POU2F1: variants seen among roughly 807,000 people sequenced by gnomAD.
The protein encoded by POU2F1 is POU domain, class 2, transcription factor 1.
Under a neutral mutation model 84.9 loss-of-function variants are expected in POU2F1, and 16 were observed. That is an observed-to-expected ratio of 0.19 (90% CI 0.13 to 0.29). The LOEUF (loss-of-function observed/expected upper bound fraction) is 0.29. Ranked by LOEUF, POU2F1 falls within the 10% of genes least tolerant of loss-of-function variation. The probability of loss-of-function intolerance (pLI) is 1.00; values close to 1 mark genes in which losing one functional copy is unlikely to be tolerated. For missense variants in POU2F1, 738 were observed against 942.6 expected (o/e 0.78, Z 2.84); for synonymous variants, 368 against 368.3 (o/e 1.00, Z 0.01).
rs765393331 is a variant in POU2F1 at position 167,255,602 on chromosome 1, G to C, written c.61+34644G>C. ...GATGGTATGAAGCATAGATTGGAGT[G>C]GTATGAGAATGGAGGTAGGGAAATG... On this transcript the variant is annotated intron_variant, in intron 1 of 15. Coordinates refer to ENST00000367866, the MANE Select transcript of POU2F1 (RefSeq NM_002697.4). 1.5e-4 allele frequency among the ~76,000 whole-genome samples: 23 copies of C among 152,142 alleles called. 1 individual carries two copies. The highest frequency in any genetic ancestry group is 3.2e-4 in the Non-Finnish European group (22 of 68,036).
chr1:167,276,828 A>C (rs1652760345), intron 1 of POU2F1, among the ~76,000 whole-genome samples: 1 of 152,226 alleles, frequency 6.6e-6, no homozygotes, highest in South Asian at 2.1e-4. Flanking sequence ...AGTATGGAGA[A>C]GAAAGAAATG....
intron 13 of POU2F1, among the ~76,000 whole-genome samples, chr1:167,402,779 T>C (rs1284733495): frequency 2.0e-5 from 3 of 152,220 alleles, no homozygotes; most frequent in African/African-American, 7.2e-5. Flanking sequence ...CTGTTAGTGA[T>C]TGATTGGCAT....
At chr1:167,298,764 T>C (rs1268684325) in intron 1 of POU2F1, among the ~76,000 whole-genome samples, 1 of 152,216 alleles carries the variant, frequency 6.6e-6, no homozygotes, top group Non-Finnish European at 1.5e-5. Flanking sequence ...TAACAGCATA[T>C]GCCATGTTCA....
intron 1 of POU2F1, among the ~76,000 whole-genome samples, chr1:167,298,711 T>C (rs986553322): frequency 2.0e-5 from 3 of 152,222 alleles, no homozygotes; most frequent in African/African-American, 7.2e-5. Flanking sequence ...TTTTTAATTA[T>C]GAGCTTCAAA....
chr1:167,365,453 T>C lies in POU2F1; in HGVS notation c.128-14T>C. 1 of 1,531,840 alleles carries C rather than the reference T, an allele frequency of 6.5e-7. No homozygotes were observed. The highest frequency in any genetic ancestry group is 8.8e-7 in the Non-Finnish European group (1 of 1,135,798). The allele number at this position is 1,531,840 out of a possible 1,614,324, so 94.9% of individuals were successfully genotyped here. A position where few individuals can be genotyped will look rare whatever the true frequency, so the allele number is the denominator to read the frequency against. On this transcript the variant is annotated splice_polypyrimidine_tract_variant and intron_variant, in intron 2 of 15. Coordinates refer to ENST00000367866, the MANE Select transcript of POU2F1 (RefSeq NM_002697.4). ...TTTCTTTTAATAGTTGAAATTATTT[T>C]GCTTGCTTTCTAGGCACACAAACCA...
At chr1:167,273,330 C>T (rs1050380046) in intron 1 of POU2F1, among the ~76,000 whole-genome samples, 1 of 152,200 alleles carries the variant, frequency 6.6e-6, no homozygotes, top group African/African-American at 2.4e-5. Flanking sequence ...AGGACGGTGG[C>T]CCTCTTGTCA....
rs1188256110 is a variant in POU2F1, at chr1:167,418,707, A to G, written c.*2897A>G. On this transcript the variant is annotated 3_prime_UTR_variant, in exon 16 of 16. Transcript: ENST00000367866. ...TAGAAAATGATCCCTTTCCCAAACA[A>G]AACTCACCAACAGACTTTAATATTA... 6.6e-6 allele frequency: 1 copy of G among 152,212 alleles called. No individual in the cohort carries two copies. The highest frequency in any genetic ancestry group is 1.5e-5 in the Non-Finnish European group (1 of 68,036). 9.4% of individuals were successfully genotyped at this position (152,212 alleles called of 1,614,324 possible). A position where few individuals can be genotyped will look rare whatever the true frequency, so the allele number is the denominator to read the frequency against.
At chr1:167,284,970 A>G (rs1341875900) in intron 1 of POU2F1, among the ~76,000 whole-genome samples, 1 of 152,182 alleles carries the variant, frequency 6.6e-6, no homozygotes, top group Non-Finnish European at 1.5e-5. Flanking sequence ...TACTCGATTC[A>G]TTTGTGTTCA....
In POU2F1 at chr1:167,350,689, A is replaced by AG. The variant is rs1243585080; in HGVS notation, c.128-14778_128-14777insG. On this transcript the variant is annotated intron_variant, in intron 2 of 15. Coordinates refer to ENST00000367866, the MANE Select transcript of POU2F1 (RefSeq NM_002697.4). Reference sequence around the variant, plus strand: ...ACTCCATCTCAAAAAAAAAAAAAAAAAGAAAAGAAAATGTATTATCTGTGT... The same window carrying AG: ...ACTCCATCTCAAAAAAAAAAAAAAAAGAGAAAAGAAAATGTATTATCTGTGT... Among the ~76,000 whole-genome samples, 26 of 151,162 alleles carry AG rather than the reference A, an allele frequency of 1.7e-4. No homozygotes were observed. The East Asian group carries it at 3.5e-3, about 20-fold the overall frequency.
intron 12 of POU2F1, 51 bp from the exon 13 acceptor site, chr1:167,401,400 T>G: frequency 7.8e-7 from 1 of 1,284,858 alleles, no homozygotes; most frequent in Non-Finnish European, 1.1e-6. Context: ...CATTTCCTCT[T>G]TAAGTTTTGA....
At chr1:167,363,327 G>A (rs1304222513) in intron 2 of POU2F1, among the ~76,000 whole-genome samples, 1 of 152,076 alleles carries the variant, frequency 6.6e-6, no homozygotes, top group Non-Finnish European at 1.5e-5. Flanking sequence ...TTTTAGTCTT[G>A]TTGATTTATT....
intron 12 of POU2F1, among the ~76,000 whole-genome samples, chr1:167,399,609 G>T (rs1018228609): frequency 6.6e-6 from 1 of 152,108 alleles, no homozygotes; most frequent in Non-Finnish European, 1.5e-5. Context: ...TGCATGGAGG[G>T]TGAAATCTCG....
intron 13 of POU2F1, among the ~76,000 whole-genome samples, chr1:167,411,378 A>C (rs1252376395): frequency 6.6e-6 from 1 of 151,690 alleles, no homozygotes; most frequent in Non-Finnish European, 1.5e-5. Flanking sequence ...TTATGCTTTT[A>C]TGAGATTCAT....
At chr1:167,323,624 A>G (rs930368394) in intron 1 of POU2F1, among the ~76,000 whole-genome samples, 2 of 152,210 alleles carry the variant, frequency 1.3e-5, no homozygotes, top group African/African-American at 4.8e-5. Context: ...TAAAGTTATT[A>G]AGAACCATTT....
chr1:167,317,743 T>C (rs142692080), intron 1 of POU2F1, among the ~76,000 whole-genome samples: 8 of 152,338 alleles, frequency 5.3e-5, no homozygotes, highest in Non-Finnish European at 7.3e-5. Context: ...CCTTCAGCAT[T>C]GGCATCATAG....
intron 2 of POU2F1, among the ~76,000 whole-genome samples, chr1:167,343,501 T>A (rs968671482): frequency 2.0e-5 from 3 of 152,120 alleles, no homozygotes; most frequent in African/African-American, 7.2e-5. Flanking sequence ...ATTTTTGGTA[T>A]AAAAGAATTT....
chr1:167,291,824 G>A (rs546920068), intron 1 of POU2F1, among the ~76,000 whole-genome samples: 2 of 152,118 alleles, frequency 1.3e-5, no homozygotes, highest in Non-Finnish European at 2.9e-5. Context: ...AATTTTAATA[G>A]CCTCATTTAG....
At chr1:167,325,149 G>T (rs1390201886) in intron 1 of POU2F1, among the ~76,000 whole-genome samples, 1 of 152,124 alleles carries the variant, frequency 6.6e-6, no homozygotes, top group Non-Finnish European at 1.5e-5. Context: ...TTATTACAGA[G>T]AATTGAAATA....
chr1:167,301,074 A>G (rs1213783828), intron 1 of POU2F1, among the ~76,000 whole-genome samples: 2 of 152,140 alleles, frequency 1.3e-5, no homozygotes, highest in African/African-American at 2.4e-5. Flanking sequence ...CCAGCTGTAA[A>G]AACTCTTAAC....
Sources: gnomAD v4.1 joint callset for allele counts (sites outside exome capture counted in the v4.1 genomes callset) on GRCh38, gnomAD v4.1.1 for gene constraint, MANE v1.5 for transcripts, NCBI Gene and HGNC (gene_info 2026-07-23, HGNC 2026-07-21) for gene names.